ARHGAP36: variants seen among roughly 807,000 people sequenced by gnomAD.
ARHGAP36 encodes rho GTPase-activating protein 36.
Under a neutral mutation model 32.9 loss-of-function variants are expected in ARHGAP36, and 7 were observed. That is an observed-to-expected ratio of 0.21 (90% CI 0.12 to 0.40). The LOEUF (loss-of-function observed/expected upper bound fraction) is 0.40, where lower values mean the gene tolerates loss of function less well. ARHGAP36 is among the 10% of genes least tolerant of loss of function. The pLI is 1.00. For missense variants in ARHGAP36, 383 were observed against 442.2 expected, an observed-to-expected ratio of 0.87 and a Z score of 1.20; for synonymous variants, 165 against 168.3, an observed-to-expected ratio of 0.98 and a Z score of 0.15.
intron 1 of ARHGAP36, among the ~76,000 whole-genome samples, chrX:131,064,779 G>A (rs1483161107): frequency 1.8e-5 from 2 of 111,047 alleles, no homozygotes; most frequent in Non-Finnish European, 3.8e-5. Context: ...TGATTTTCAA[G>A]GGCTTTACTC....
At chrX:131,069,002 A>C (rs2079717810) in intron 1 of ARHGAP36, among the ~76,000 whole-genome samples, 1 of 112,128 alleles carries the variant, frequency 8.9e-6, no homozygotes, top group Non-Finnish European at 1.9e-5. Context: ...GCTGTTGGGC[A>C]GTCAGTCGGT....
intron 8 of ARHGAP36, 46 bp from the exon 9 acceptor site, chrX:131,085,867 C>T: frequency 8.4e-7 from 1 of 1,193,352 alleles, no homozygotes; most frequent in Non-Finnish European, 1.1e-6. Context: ...TGTACAACTC[C>T]CAGTACTACC....
intron 1 of ARHGAP36, among the ~76,000 whole-genome samples, chrX:131,059,343 C>T: frequency 9.2e-6 from 1 of 108,945 alleles, no homozygotes; most frequent in East Asian, 2.9e-4. Context: ...GCCCCACCCC[C>T]TTCAGGCTGC....
At chrX:131,062,664 G>A (rs12850890) in intron 1 of ARHGAP36, among the ~76,000 whole-genome samples, 1,803 of 111,846 alleles carry the variant, frequency 0.016, 45 homozygotes, top group Admixed American at 0.087. Context: ...TATTACTGCT[G>A]TTGTAGATGT....
In ARHGAP36 at chrX:131,086,348, G is replaced by A. The variant is rs762400367; in HGVS notation, c.1301G>A (p.Arg434Lys). ...VLFQVPPHIQ[R>K]QVAKRVWKSS... ...CCTCAGGTGCCTCCCCATATTCAGA[G>A]GCAGGTTGCTAAGCGCGTGTGGAAG... The change falls in exon 10 of 12, where the codon AGG becomes AAG. Residue 434 changes from arginine (R) to lysine (K), a missense_variant. Around this residue, in one of 2 missense-constraint regions of ARHGAP36, gnomAD observed 227 missense variants for 311.3 expected, o/e 0.73. Coordinates refer to ENST00000276211, the MANE Select transcript of ARHGAP36 (RefSeq NM_144967.4). 9.9e-6 allele frequency: 12 copies of A among 1,210,083 alleles called. No homozygotes were observed. Among genetic ancestry groups the A allele is most frequent in the Admixed American group, 2.2e-5 (1 of 45,833 alleles).
intron 7 of ARHGAP36, 95 bp from the exon 8 acceptor site, chrX:131,085,493 C>G: frequency 9.5e-7 from 1 of 1,048,642 alleles, no homozygotes; most frequent in Non-Finnish European, 1.3e-6. Context: ...TTCTCCATAA[C>G]TGCCAGCAAG....
intron 9 of ARHGAP36, 106 bp from the exon 10 acceptor site, chrX:131,086,223 C>T (rs753176439): frequency 1.9e-5 from 21 of 1,101,707 alleles, no homozygotes; most frequent in Non-Finnish European, 2.4e-5. Context: ...AAATTCCTCC[C>T]ACATTAGCTG....
chrX:131,073,316 A>G (rs1476075972), intron 1 of ARHGAP36, among the ~76,000 whole-genome samples: 1 of 112,582 alleles, frequency 8.9e-6, no homozygotes, highest in African/African-American at 3.2e-5. Context: ...CGCGCAGCGC[A>G]CCTCAACCCA....
chrX:131,065,254 T>C (rs2079692364), intron 1 of ARHGAP36, among the ~76,000 whole-genome samples: 1 of 112,290 alleles, frequency 8.9e-6, no homozygotes, highest in Non-Finnish European at 1.9e-5. Flanking sequence ...TCTTCAGAGT[T>C]GAAGTTTGTC....
Position 131,083,980 on chromosome X carries a change from C to G in ARHGAP36, c.555+11C>G, listed in dbSNP as rs771906221. On this transcript the variant is annotated intron_variant, in intron 4 of 11. Transcript: ENST00000276211. ...CGCCGTGGGCGTCGAGTGAGTTAAA[C>G]CCTCCAGGTTTCAGGCAGGGGCCTC... The G allele has an allele frequency of 8.3e-7, 1 of 1,204,944 alleles. No individual in the cohort carries two copies. The highest frequency in any genetic ancestry group is 1.1e-6 in the Non-Finnish European group (1 of 892,121).
intron 1 of ARHGAP36, among the ~76,000 whole-genome samples, chrX:131,062,027 C>T (rs2079671892): frequency 8.9e-6 from 1 of 112,159 alleles, no homozygotes; most frequent in South Asian, 3.7e-4. Flanking sequence ...GTGAAAGTAA[C>T]ATCATTCCTT....
At chrX:131,076,791 C>T (rs2079765002) in intron 1 of ARHGAP36, among the ~76,000 whole-genome samples, 1 of 112,015 alleles carries the variant, frequency 8.9e-6, no homozygotes, top group African/African-American at 3.2e-5. Context: ...GTTTTCTGAC[C>T]TGTATAATGG....
rs1445436243 is a variant in ARHGAP36, at chrX:131,088,730, T to A, written c.1589T>A (p.Leu530His). ...ATTCCGGAGCAAGACCGCCCATTGC[T>A]CCGTGTGCCCCGGGAGAAGGAGGCC... ...PPIPEQDRPL[L>H]RVPREKEAKT... The change falls in exon 12 of 12, where the codon CTC becomes CAC. Residue 530 changes from leucine (L) to histidine (H), a missense_variant. Leu to His is a moderately conservative substitution (Grantham distance 99). This residue lies in a region of ARHGAP36 where 227 missense variants were observed against 311.3 expected (regional missense o/e 0.73). Transcript: ENST00000276211. The A allele has an allele frequency of 8.3e-6, 10 of 1,209,717 alleles. No homozygotes were observed. Among genetic ancestry groups the A allele is most frequent in the Non-Finnish European group, 1.1e-5 (10 of 895,148 alleles).
At chrX:131,084,536 G>T in intron 5 of ARHGAP36, 90 bp from the exon 6 acceptor site, 3 of 1,138,934 alleles carry the variant, frequency 2.6e-6, no homozygotes, top group South Asian at 1.9e-5. Context: ...CCCAGTGGAG[G>T]TCGCGATGCA....
intron 3 of ARHGAP36, 162 bp from the exon 4 acceptor site, chrX:131,083,572 G>A (rs1217889476): frequency 3.0e-5 from 16 of 535,860 alleles, no homozygotes; most frequent in Admixed American, 2.9e-5. Context: ...AAACCACTGC[G>A]GGGTCTTTTT....
At chrX:131,073,639 T>C (rs1479702446) in intron 1 of ARHGAP36, among the ~76,000 whole-genome samples, 1 of 112,551 alleles carries the variant, frequency 8.9e-6, no homozygotes, top group South Asian at 3.7e-4. Context: ...ACGTGAGAGT[T>C]GTGTCTCTAC....
At position 131,075,601 on chromosome X, in the gene ARHGAP36, G is replaced by A. The variant is rs182450311; in HGVS notation, c.-142-5923G>A. Among the ~76,000 whole-genome samples the A allele has an allele frequency of 2.1e-3, 174 of 84,650 alleles. 1 individual carries two copies. The highest frequency in any genetic ancestry group is 6.6e-3 in the African/African-American group (144 of 21,696). The allele number at this position is 84,650 out of a possible 115,157, so 73.5% of individuals were successfully genotyped here. A position where few individuals can be genotyped will look rare whatever the true frequency, so the allele number is the denominator to read the frequency against. On this transcript the variant is annotated intron_variant, in intron 1 of 11. Transcript: ENST00000276211. The stretch of plus-strand genomic sequence containing the variant: ...CACACATATATAAACACACACACAC[G>A]CATATATATGTGTGTATATATATGT...
Position 131,081,508 on chromosome X carries a change from T to A in ARHGAP36, c.-142-16T>A. ...GGGCTGAATTTTTGAAGTTGGATTT[T>A]TTTTTTCTTTTTTAGCAAAAACAAC... On this transcript the variant is annotated splice_polypyrimidine_tract_variant and intron_variant, in intron 1 of 11. Coordinates refer to ENST00000276211, the MANE Select transcript of ARHGAP36 (RefSeq NM_144967.4). The A allele has an allele frequency of 9.6e-7, 1 of 1,044,457 alleles. No homozygotes were observed. The highest frequency in any genetic ancestry group is 1.2e-6 in the Non-Finnish European group (1 of 820,170). The allele number at this position is 1,044,457 out of a possible 1,213,427, so 86.1% of individuals were successfully genotyped here. A position where few individuals can be genotyped will look rare whatever the true frequency, so the allele number is the denominator to read the frequency against.
intron 1 of ARHGAP36, among the ~76,000 whole-genome samples, chrX:131,059,218 A>G (rs2079656148): frequency 8.9e-6 from 1 of 112,254 alleles, no homozygotes. Flanking sequence ...TCTACAAAGT[A>G]CATTTTGACA....
Sources: allele counts gnomAD v4.1 joint callset (sites outside exome capture counted in the v4.1 genomes callset), GRCh38; gene constraint gnomAD v4.1.1; regional missense constraint gnomAD v4.1.1; transcripts MANE v1.5; gene names NCBI Gene and HGNC (gene_info 2026-07-23, HGNC 2026-07-21).